Variants in CHN2 observed in about 807,000 individuals in gnomAD.
CHN2 encodes beta-chimaerin.
A neutral mutation model predicts 56.3 loss-of-function variants in CHN2; 35 were observed. The observed-to-expected ratio is 0.62, with a 90% CI of 0.47 to 0.82. CHN2 has a LOEUF of 0.82. Ranked by LOEUF, CHN2 falls within the 40% of genes least tolerant of loss-of-function variation. The pLI is 0.00. For missense variants in CHN2, 491 were observed against 580.5 expected (o/e 0.85, Z 1.58); for synonymous variants, 210 against 212.8 (o/e 0.99, Z 0.12).
chr7:29,182,685 A>G (rs1798211541), intron 2 of CHN2, among the ~76,000 whole-genome samples: 1 of 152,224 alleles, frequency 6.6e-6, no homozygotes, highest in Non-Finnish European at 1.5e-5. Flanking sequence ...GTCCCTCAAG[A>G]TTGTTAGCAT....
chr7:29,354,432 T>C (rs757327), intron 1 of CHN2, among the ~76,000 whole-genome samples, 193 bp from the exon 2 acceptor site: 35,293 of 152,024 alleles, frequency 0.23, 4,652 homozygotes, highest in Non-Finnish European at 0.3. Flanking sequence ...CTGAAGAAAG[T>C]GGTGCTGAGT....
chr7:29,416,990 G>T (rs1803817940), intron 6 of CHN2, among the ~76,000 whole-genome samples: 1 of 152,188 alleles, frequency 6.6e-6, no homozygotes, highest in South Asian at 2.1e-4. Flanking sequence ...AGGGCCAGTG[G>T]CTGTGTGGCT....
intron 2 of CHN2, among the ~76,000 whole-genome samples, chr7:29,148,243 G>A (rs1793049890): frequency 6.6e-6 from 1 of 152,196 alleles, no homozygotes; most frequent in Admixed American, 6.5e-5. Context: ...TAAGTATAAG[G>A]ACAACTACTG....
intron 7 of CHN2, among the ~76,000 whole-genome samples, chr7:29,489,617 A>G (rs895054932): frequency 4.6e-5 from 7 of 152,240 alleles, no homozygotes; most frequent in African/African-American, 1.7e-4. Flanking sequence ...GCCCATCACC[A>G]AAAAGGAAAG....
chr7:29,334,788 G>T (rs1401018980), intron 1 of CHN2, among the ~76,000 whole-genome samples: 1 of 152,172 alleles, frequency 6.6e-6, no homozygotes, highest in Non-Finnish European at 1.5e-5. Flanking sequence ...AAAAAAGGAA[G>T]TTTCATGCTT....
intron 3 of CHN2, among the ~76,000 whole-genome samples, chr7:29,386,191 G>A (rs868740720): frequency 5.3e-5 from 8 of 152,182 alleles, no homozygotes; most frequent in Admixed American, 1.3e-4. Context: ...TCTGCACTTT[G>A]ACTACAAGAG....
chr7:29,171,133 C>T (rs937192581), intron 2 of CHN2, among the ~76,000 whole-genome samples: 5 of 152,130 alleles, frequency 3.3e-5, no homozygotes, highest in East Asian at 1.9e-4. Flanking sequence ...AATGAACTGC[C>T]GGTTTCCCCC....
At chr7:29,294,722 T>A (rs540181305) in intron 1 of CHN2, among the ~76,000 whole-genome samples, 1 of 152,318 alleles carries the variant, frequency 6.6e-6, no homozygotes, top group African/African-American at 2.4e-5. Flanking sequence ...CACCACTTTA[T>A]TTTCCCCACA....
At chr7:29,146,877 T>C (rs140083937) in exon 2 of CHN2, 3 of 1,551,072 alleles carry the variant, frequency 1.9e-6, no homozygotes, top group Non-Finnish European at 1.7e-6. Flanking sequence ...GGATTTACAT[T>C]TGGAAAGCGA....
intron 1 of CHN2, chr7:29,292,926 C>G (rs1190181019): frequency 1.3e-5 from 6 of 456,158 alleles, no homozygotes; most frequent in Non-Finnish European, 2.6e-5. Context: ...TCTCTTCAGT[C>G]TATTCTGAAC....
chr7:29,242,231 A>G (rs1362178119), intron 1 of CHN2, among the ~76,000 whole-genome samples: 1 of 152,212 alleles, frequency 6.6e-6, no homozygotes, highest in Non-Finnish European at 1.5e-5. Context: ...TATTTCTACC[A>G]TGTCACAATC....
intron 1 of CHN2, among the ~76,000 whole-genome samples, chr7:29,247,854 C>G (rs868212006): frequency 1.3e-5 from 2 of 152,274 alleles, no homozygotes; most frequent in Non-Finnish European, 2.9e-5. Context: ...ATCCTCTCTG[C>G]TCTTTATCCT....
chr7:29,363,424 G>T (rs1798888856), intron 2 of CHN2, among the ~76,000 whole-genome samples: 1 of 152,202 alleles, frequency 6.6e-6, no homozygotes, highest in South Asian at 2.1e-4. Context: ...GGTGGAGGTT[G>T]CAGTGAGCCG....
At chr7:29,389,523 A>T (rs1585234899) in intron 3 of CHN2, among the ~76,000 whole-genome samples, 1 of 152,172 alleles carries the variant, frequency 6.6e-6, no homozygotes, top group African/African-American at 2.4e-5. Context: ...TGCAGTCTTC[A>T]ACAAGCATCT....
chr7:29,415,164 C>T (rs1803607306), intron 6 of CHN2, among the ~76,000 whole-genome samples: 1 of 152,210 alleles, frequency 6.6e-6, no homozygotes, highest in Non-Finnish European at 1.5e-5. Flanking sequence ...GACATAGGTT[C>T]AGTAAGGCAG....
chr7:29,412,312 TAA>T (rs1803292594), intron 6 of CHN2, among the ~76,000 whole-genome samples: 2 of 140,214 alleles, frequency 1.4e-5, no homozygotes. Context: ...GGCGCTCTGC[TAA>T]AGAGTCTTTT....
intron 12 of CHN2, among the ~76,000 whole-genome samples, chr7:29,511,158 CTG>C (rs1425250572): frequency 1.7e-4 from 1 of 5,776 alleles, no homozygotes; most frequent in Non-Finnish European, 6.3e-4. Context: ...AAACGGAGGA[CTG>C]TATAAACAGT....
At chr7:29,387,252 C>CT (rs1800986613) in intron 3 of CHN2, among the ~76,000 whole-genome samples, 1 of 152,104 alleles carries the variant, frequency 6.6e-6, no homozygotes, top group Non-Finnish European at 1.5e-5. Flanking sequence ...ATCTGTGAAA[C>CT]AGCCTTATTA....
intron 7 of CHN2, among the ~76,000 whole-genome samples, chr7:29,481,592 A>G (rs1787234582): frequency 6.6e-6 from 1 of 151,938 alleles, no homozygotes; most frequent in Non-Finnish European, 1.5e-5. Flanking sequence ...TTCTATGCCA[A>G]AGCTTTTCAT....
Sources: allele counts gnomAD v4.1 joint callset (sites outside exome capture counted in the v4.1 genomes callset), GRCh38; gene constraint gnomAD v4.1.1; transcripts MANE v1.5; gene names NCBI Gene and HGNC (gene_info 2026-07-23, HGNC 2026-07-21).